The following TEAD4 variants were observed in gnomAD, a reference collection of about 807,000 sequenced individuals.
TEAD4 encodes transcriptional enhancer factor TEF-3.
A neutral mutation model predicts 52.4 loss-of-function variants in TEAD4; 36 were observed. The ratio of observed to expected loss-of-function variants is 0.69; its 90% CI spans 0.53 to 0.91. The LOEUF is 0.91. Among genes scored for constraint, TEAD4 ranks in the 40% least tolerant of loss-of-function variants. The pLI, the probability that TEAD4 is intolerant of heterozygous loss-of-function variation, is 0.00. For synonymous variants in TEAD4, 220 were observed against 231.0 expected (o/e 0.95, Z 0.43); for missense variants, 508 against 583.9 (o/e 0.87, Z 1.34).
chr12:3,003,609 G>C (rs1334667508), intron 3 of TEAD4, among the ~76,000 whole-genome samples: 3 of 152,266 alleles, frequency 2.0e-5, no homozygotes, highest in Non-Finnish European at 4.4e-5. Flanking sequence ...TTAGGCCAAG[G>C]CTCCTGTTTC....
At chr12:3,021,655 T>C (rs964151626) in intron 9 of TEAD4, among the ~76,000 whole-genome samples, 189 bp from the exon 10 acceptor site, 1 of 152,226 alleles carries the variant, frequency 6.6e-6, no homozygotes, top group East Asian at 1.9e-4. Flanking sequence ...AATAGACCTT[T>C]ACTTAGAAGT....
At chr12:2,984,375 A>G (rs1364654645) in intron 2 of TEAD4, among the ~76,000 whole-genome samples, 1 of 152,220 alleles carries the variant, frequency 6.6e-6, no homozygotes. Flanking sequence ...GGGTTGCACC[A>G]GGTCATCCAG....
At chr12:3,003,806 G>T (rs2098253596) in intron 3 of TEAD4, among the ~76,000 whole-genome samples, 1 of 152,190 alleles carries the variant, frequency 6.6e-6, no homozygotes, top group Non-Finnish European at 1.5e-5. Flanking sequence ...GCAGCTGCCT[G>T]ACTGGCCTCC....
intron 2 of TEAD4, among the ~76,000 whole-genome samples, chr12:2,966,197 A>AGT (rs1454103746): frequency 6.6e-6 from 1 of 152,148 alleles, no homozygotes; most frequent in African/African-American, 2.4e-5. Flanking sequence ...AAGAGAAAGC[A>AGT]GTGTGGTCTG....
chr12:3,018,515 G>C, intron 6 of TEAD4, 30 bp from the exon 7 acceptor site: 1 of 1,614,012 alleles, frequency 6.2e-7, no homozygotes, highest in East Asian at 2.2e-5. Flanking sequence ...ACCTGGGGCC[G>C]TGCTGATTCC....
intron 10 of TEAD4, among the ~76,000 whole-genome samples, chr12:3,024,212 C>T (rs1829514871): frequency 2.0e-5 from 3 of 151,800 alleles, no homozygotes; most frequent in Non-Finnish European, 2.9e-5. Flanking sequence ...GTAGCTGGGA[C>T]TACAGGCACC....
intron 10 of TEAD4, among the ~76,000 whole-genome samples, chr12:3,023,949 G>A (rs2098270413): frequency 6.6e-6 from 1 of 151,986 alleles, no homozygotes; most frequent in Non-Finnish European, 1.5e-5. Flanking sequence ...GTATCTCGAT[G>A]TCAGGATTAA....
At chr12:3,015,178 ACC>A (rs1454289986) in intron 5 of TEAD4, among the ~76,000 whole-genome samples, 7 of 152,238 alleles carry the variant, frequency 4.6e-5, no homozygotes, top group Middle Eastern at 3.4e-3. Context: ...ATCGACAATG[ACC>A]CACTACTCGG....
intron 3 of TEAD4, among the ~76,000 whole-genome samples, chr12:2,998,606 C>T (rs761239580): frequency 2.6e-5 from 4 of 151,782 alleles, no homozygotes; most frequent in East Asian, 1.9e-4. Flanking sequence ...AACACGTCAG[C>T]GCTCCCAGCA....
chr12:3,006,136 G>T (rs78341457), intron 3 of TEAD4, among the ~76,000 whole-genome samples: 4 of 152,030 alleles, frequency 2.6e-5, no homozygotes, highest in African/African-American at 9.7e-5. Flanking sequence ...ACATCACTTT[G>T]TACCCCATAA....
rs573844449 is a variant in TEAD4 at position 2,994,889 on chromosome 12, C to A, written c.123C>A (p.Gly41=). The A allele has an allele frequency of 1.2e-6, 2 of 1,614,024 alleles. No individual in the cohort carries two copies. The highest frequency in any genetic ancestry group is 1.7e-5 in the Admixed American group (1 of 60,000). ...AGCCCATCGACAATGACGCAGAGGG[C>A]GTGTGGAGCCCGGATATTGAGCAGA... is the stretch of plus-strand genomic sequence containing the variant. The change falls in exon 3 of 13, where the codon GGC becomes GGA. Residue 41 remains glycine (G), a synonymous_variant. Transcript: ENST00000359864. This position sits in a 1 kb window ranked among gnomAD's most constrained non-coding sequence, Gnocchi z 4.7.
intron 10 of TEAD4, among the ~76,000 whole-genome samples, chr12:3,029,324 G>A (rs1439121420): frequency 2.1e-5 from 3 of 141,236 alleles, no homozygotes; most frequent in Non-Finnish European, 4.5e-5. Flanking sequence ...TGCAAGCTCC[G>A]CCTCCCGGGT....
chr12:2,987,880 C>T (rs960221194), intron 2 of TEAD4, among the ~76,000 whole-genome samples: 2 of 151,398 alleles, frequency 1.3e-5, no homozygotes, highest in African/African-American at 2.4e-5. Flanking sequence ...GCCTGGCCAA[C>T]ATGGTGAAAC....
intron 2 of TEAD4, among the ~76,000 whole-genome samples, chr12:2,968,436 C>G: frequency 9.4e-6 from 1 of 105,970 alleles, no homozygotes; most frequent in Non-Finnish European, 1.7e-5. Flanking sequence ...TTAACTCTGT[C>G]ACCCAGGCTA....
In TEAD4 at chr12:3,038,087, G is replaced by C. The variant is rs767356667; in HGVS notation, c.1017G>C (p.Lys339Asn). The change falls in exon 11 of 13, where the codon AAG becomes AAC. Residue 339 changes from lysine to asparagine, a missense_variant. Transcript: ENST00000359864. ...CCACGAAGGTCTGCTCTTTCGGCAA[G>C]CAGGTGGTGGAGAAAGTTGAGGTAG... 1 of 1,613,296 alleles carries C rather than the reference G, an allele frequency of 6.2e-7. No homozygotes were observed. The highest frequency in any genetic ancestry group is 8.5e-7 in the Non-Finnish European group (1 of 1,179,358).
chr12:3,039,540 C>T (rs932283767), intron 11 of TEAD4, among the ~76,000 whole-genome samples: 1 of 152,156 alleles, frequency 6.6e-6, no homozygotes, highest in African/African-American at 2.4e-5. Flanking sequence ...GTGTGCCCCT[C>T]ATGGTGTCCT....
At chr12:2,992,532 G>A (rs551817980) in intron 2 of TEAD4, among the ~76,000 whole-genome samples, 1 of 152,288 alleles carries the variant, frequency 6.6e-6, no homozygotes, top group Non-Finnish European at 1.5e-5. Flanking sequence ...AGGGGTTTGA[G>A]GGTATGGAGG....
At chr12:2,991,432 T>TGGATG (rs1472314613) in intron 2 of TEAD4, among the ~76,000 whole-genome samples, 1 of 152,046 alleles carries the variant, frequency 6.6e-6, no homozygotes, top group Non-Finnish European at 1.5e-5. Flanking sequence ...GAGGCCGAGG[T>TGGATG]GGATGGATCA....
intron 3 of TEAD4, among the ~76,000 whole-genome samples, chr12:2,996,227 A>G (rs1591573508): frequency 6.6e-6 from 1 of 151,138 alleles, no homozygotes; most frequent in Non-Finnish European, 1.5e-5. Context: ...CCAGCTGCCC[A>G]CCCCCACGGG....
Sources: gnomAD v4.1 joint callset for allele counts (sites outside exome capture counted in the v4.1 genomes callset) on GRCh38, gnomAD v4.1.1 for gene constraint, Gnocchi (gnomAD v3.1) non-coding constraint, MANE v1.5 for transcripts, NCBI Gene and HGNC (gene_info 2026-07-23, HGNC 2026-07-21) for gene names.